The following AUTS2 variants were observed in gnomAD, a reference collection of about 807,000 sequenced individuals.
AUTS2 encodes the protein activator of transcription and developmental regulator AUTS2, also known as autism susceptibility gene 2 protein.
Under a neutral mutation model 112.4 loss-of-function variants are expected in AUTS2, and 17 were observed. The observed-to-expected ratio is 0.15, with a 90% CI of 0.10 to 0.23. AUTS2 has a LOEUF of 0.23. Among genes scored for constraint, AUTS2 ranks in the 10% least tolerant of loss-of-function variants. The pLI, the probability that AUTS2 is intolerant of heterozygous loss-of-function variation, is 1.00. For missense variants in AUTS2, 1,510 were observed against 1,701.6 expected (o/e 0.89, Z 1.98); for synonymous variants, 751 against 702.7 (o/e 1.07, Z -1.09).
intron 4 of AUTS2, among the ~76,000 whole-genome samples, chr7:70,316,342 C>T (rs2129616810): frequency 6.6e-6 from 1 of 151,768 alleles, no homozygotes; most frequent in Non-Finnish European, 1.5e-5. Context: ...TGTGAAGTCA[C>T]TCTCTGGCTC....
At chr7:70,483,912 G>A (rs1389614552) in intron 5 of AUTS2, among the ~76,000 whole-genome samples, 3 of 152,158 alleles carry the variant, frequency 2.0e-5, no homozygotes, top group Non-Finnish European at 2.9e-5. Context: ...TTTAAAGCAT[G>A]TATATGATAA....
intron 17 of AUTS2, among the ~76,000 whole-genome samples, chr7:70,786,688 G>A (rs1370881257): frequency 1.3e-5 from 2 of 152,104 alleles, no homozygotes; most frequent in Non-Finnish European, 2.9e-5. Flanking sequence ...GAGCTAAAAC[G>A]TGTCTCTGAG....
intron 1 of AUTS2, among the ~76,000 whole-genome samples, chr7:69,788,516 A>T (rs1449743503): frequency 6.6e-6 from 1 of 152,210 alleles, no homozygotes; most frequent in African/African-American, 2.4e-5. Flanking sequence ...AAAAGCCCAA[A>T]TCCAGGGAAA....
intron 5 of AUTS2, among the ~76,000 whole-genome samples, chr7:70,495,324 G>A (rs1562993033): frequency 6.6e-6 from 1 of 151,490 alleles, no homozygotes; most frequent in Non-Finnish European, 1.5e-5. Flanking sequence ...TTCCTTTTGG[G>A]GCTCACTGTT....
At chr7:70,719,218 GC>G (rs1810537029) in intron 6 of AUTS2, among the ~76,000 whole-genome samples, 1 of 152,100 alleles carries the variant, frequency 6.6e-6, no homozygotes, top group African/African-American at 2.4e-5. Flanking sequence ...TGCTACATCA[GC>G]CCCCAAGGTC....
chr7:69,876,483 TG>T (rs2129536855), intron 1 of AUTS2, among the ~76,000 whole-genome samples: 2 of 48,226 alleles, frequency 4.1e-5, no homozygotes, highest in African/African-American at 1.0e-4. Flanking sequence ...AAATATTTTG[TG>T]TATATATATA....
At chr7:69,674,547 T>A (rs977237855) in intron 1 of AUTS2, among the ~76,000 whole-genome samples, 1 of 151,750 alleles carries the variant, frequency 6.6e-6, no homozygotes, top group South Asian at 2.1e-4. Flanking sequence ...ATGTTGGTTG[T>A]TATTGTAATT....
intron 1 of AUTS2, among the ~76,000 whole-genome samples, chr7:69,665,534 A>C (rs1795993136): frequency 6.6e-6 from 1 of 152,208 alleles, no homozygotes. Context: ...AGTCAGGATC[A>C]TACGGCATTG....
intron 2 of AUTS2, among the ~76,000 whole-genome samples, chr7:69,918,420 C>T (rs948260933): frequency 2.6e-5 from 4 of 152,036 alleles, no homozygotes; most frequent in African/African-American, 9.7e-5. Context: ...CTATACTGAA[C>T]CCTTTGGAGT....
At chr7:70,733,536 A>AC (rs1203204125) in intron 6 of AUTS2, among the ~76,000 whole-genome samples, 8 of 101,406 alleles carry the variant, frequency 7.9e-5, no homozygotes, top group East Asian at 3.5e-4. Flanking sequence ...TACTCTCACC[A>AC]CCCCCCTACC....
intron 4 of AUTS2, among the ~76,000 whole-genome samples, chr7:70,354,206 C>T (rs1791890919): frequency 1.3e-5 from 2 of 152,216 alleles, no homozygotes; most frequent in Admixed American, 1.3e-4. Context: ...CTAATGGAAA[C>T]AATTACTGAC....
intron 5 of AUTS2, among the ~76,000 whole-genome samples, chr7:70,629,047 G>A (rs1170845525): frequency 6.6e-6 from 1 of 152,152 alleles, no homozygotes; most frequent in Non-Finnish European, 1.5e-5. Context: ...CCATCGCGGG[G>A]CAGTCGGGTT....
At chr7:70,444,448 C>T (rs1796243917) in intron 5 of AUTS2, among the ~76,000 whole-genome samples, 1 of 151,886 alleles carries the variant, frequency 6.6e-6, no homozygotes, top group African/African-American at 2.4e-5. Context: ...CAGATAAATG[C>T]TCCTCAGAAC....
intron 4 of AUTS2, among the ~76,000 whole-genome samples, chr7:70,310,147 T>G (rs1398169811): frequency 6.6e-6 from 1 of 151,978 alleles, no homozygotes; most frequent in Non-Finnish European, 1.5e-5. Context: ...TTTTTTTTTT[T>G]TGGCCCAGAT....
intron 1 of AUTS2, among the ~76,000 whole-genome samples, chr7:69,783,088 CTTT>C (rs398047755): frequency 4.7e-5 from 4 of 85,120 alleles, no homozygotes; most frequent in Admixed American, 1.3e-4. Flanking sequence ...TGCTGCTCAT[CTTT>C]TTTTTTTTTT....
At chr7:70,162,323 G>A (rs1481714970) in intron 4 of AUTS2, among the ~76,000 whole-genome samples, 1 of 148,986 alleles carries the variant, frequency 6.7e-6, no homozygotes, top group African/African-American at 2.5e-5. Flanking sequence ...GCGGGCGCCT[G>A]TAGTCCCAGC....
At chr7:70,351,052 C>CTTTTT (rs34943340) in intron 4 of AUTS2, among the ~76,000 whole-genome samples, 1 of 134,960 alleles carries the variant, frequency 7.4e-6, no homozygotes, top group Non-Finnish European at 1.6e-5. Flanking sequence ...TTGTCTTCTT[C>CTTTTT]TTTTTTTTTT....
chr7:70,653,484 T>C (rs1167640981), intron 5 of AUTS2, among the ~76,000 whole-genome samples: 2 of 152,234 alleles, frequency 1.3e-5, no homozygotes, highest in African/African-American at 2.4e-5. Flanking sequence ...ATTAAAATCC[T>C]ATACCTCTCT....
intron 2 of AUTS2, among the ~76,000 whole-genome samples, chr7:70,046,529 C>T (rs1801512106): frequency 6.6e-6 from 1 of 152,114 alleles, no homozygotes; most frequent in Non-Finnish European, 1.5e-5. Context: ...CAAATGGAAG[C>T]TGTTGGCTTT....
Sources: gnomAD v4.1 joint callset for allele counts (sites outside exome capture counted in the v4.1 genomes callset) on GRCh38, gnomAD v4.1.1 for gene constraint, MANE v1.5 for transcripts, NCBI Gene and HGNC (gene_info 2026-07-23, HGNC 2026-07-21) for gene names.